The following TMEM170A variants were observed in gnomAD, a reference collection of about 807,000 sequenced individuals.
The protein encoded by TMEM170A is transmembrane protein 170.
In TMEM170A, 18 loss-of-function variants were observed where a neutral mutation model predicts 12.8. The ratio of observed to expected loss-of-function variants is 1.41; its 90% CI spans 0.97 to 2.09. The LOEUF is 2.09. Ranked by LOEUF, TMEM170A falls within the 30% of genes most tolerant of loss-of-function variation. The pLI is 0.00. For synonymous variants in TMEM170A, 107 were observed against 76.2 expected (o/e 1.40, Z -2.11); for missense variants, 220 against 179.9 (o/e 1.22, Z -1.28).
At chr16:75,464,325 A>G in intron 1 of TMEM170A, 143 bp downstream of exon 1, 1 of 1,437,172 alleles carries the variant, frequency 7.0e-7, no homozygotes, top group Non-Finnish European at 9.1e-7. Flanking sequence ...GCTCCGGGCG[A>G]GCAGCACGGC....
At chr16:75,461,759 G>A (rs959899167) in intron 1 of TMEM170A, among the ~76,000 whole-genome samples, 1 of 152,128 alleles carries the variant, frequency 6.6e-6, no homozygotes, top group Non-Finnish European at 1.5e-5. Flanking sequence ...GTTGGCACTT[G>A]GCCAAATGTA....
chr16:75,456,308 G>A (rs1234014101), intron 1 of TMEM170A, among the ~76,000 whole-genome samples: 1 of 152,066 alleles, frequency 6.6e-6, no homozygotes, highest in Non-Finnish European at 1.5e-5. Context: ...AACAAATGAG[G>A]CCGGGCACAG....
chr16:75,447,049 GT>G lies in TMEM170A; in HGVS notation c.*508del, dbSNP rs759796330. 3.3e-5 allele frequency: 5 copies of G among 152,104 alleles called. No individual in the cohort carries two copies. The highest frequency in any genetic ancestry group is 5.9e-5 in the Non-Finnish European group (4 of 68,002). The allele number at this position is 152,104 out of a possible 1,614,324, so 9.4% of individuals were successfully genotyped here. A position where few individuals can be genotyped will look rare whatever the true frequency, so the allele number is the denominator to read the frequency against. On this transcript the variant is annotated 3_prime_UTR_variant, in exon 3 of 3. Transcript: ENST00000561878. The stretch of plus-strand genomic sequence containing the variant: ...TTTCCTGCTTTATTTCACCAAATTT[GT>G]TTTCAAAACTATACTCAACCAAAAC...
intron 1 of TMEM170A, among the ~76,000 whole-genome samples, chr16:75,455,096 G>A (rs143445988): frequency 1.3e-5 from 2 of 152,232 alleles, no homozygotes; most frequent in South Asian, 2.1e-4. Flanking sequence ...AGTGGCTCAC[G>A]CCTGTAATCC....
At chr16:75,459,760 G>C (rs1218306217) in intron 1 of TMEM170A, 1 of 152,258 alleles carries the variant, frequency 6.6e-6, no homozygotes, top group African/African-American at 2.4e-5. Context: ...AGGAGGCTGA[G>C]GCAGGAGAAT....
At position 75,447,563 on chromosome 16, in the gene TMEM170A, G is replaced by C. The variant is rs779204589; in HGVS notation, c.430C>G (p.Leu144Val). The change falls in exon 3 of 3, where the codon CTA (leucine) becomes GTA (valine). Residue 144 changes from leucine (L) to valine (V), a missense_variant. Coordinates refer to ENST00000561878, the MANE Select transcript of TMEM170A (RefSeq NM_145254.3). ...VVSFLRILAT[L>V] ...TCTCAGCATAAGGATGTATGCTATA[G>C]AGTAGCTAAAATCCGTAAAAAGGAG... 6.2e-7 allele frequency: 1 copy of C among 1,612,716 alleles called. No individual in the cohort carries two copies. Among genetic ancestry groups the C allele is most frequent in the Non-Finnish European group, 8.5e-7 (1 of 1,179,636 alleles).
Position 75,447,190 on chromosome 16 carries a change from A to C in TMEM170A, c.*368T>G, listed in dbSNP as rs954243750. On this transcript the variant is annotated 3_prime_UTR_variant, in exon 3 of 3. Coordinates refer to ENST00000561878, the MANE Select transcript of TMEM170A (RefSeq NM_145254.3). ...CTCTGCTCATTTGAAATAAACCAGT[A>C]TCTTCCACGGTTTCTTCAAAATATG... 4 of 158,108 alleles carry C rather than the reference A, an allele frequency of 2.5e-5. No individual in the cohort carries two copies. The highest frequency in any genetic ancestry group is 9.6e-5 in the African/African-American group (4 of 41,748). The allele number at this position is 158,108 out of a possible 1,614,324, so 9.8% of individuals were successfully genotyped here. A position where few individuals can be genotyped will look rare whatever the true frequency, so the allele number is the denominator to read the frequency against.
rs370685672 is a variant in TMEM170A, at chr16:75,457,455, T to C, written c.134-5616A>G. Among the ~76,000 whole-genome samples, 12 of 152,286 alleles carry C rather than the reference T, an allele frequency of 7.9e-5. 1 individual carries two copies. In the South Asian group the frequency reaches 1.0e-3, roughly 13 times the overall value. The stretch of plus-strand genomic sequence containing the variant: ...TCTTGATACCTCTCTCTCTCTGCCA[T>C]GTGAAGACATGGTGAGAAGGCAGCC... On this transcript the variant is annotated intron_variant, in intron 1 of 2. Coordinates refer to ENST00000561878, the MANE Select transcript of TMEM170A (RefSeq NM_145254.3).
At chr16:75,453,483 A>G (rs2079725802) in intron 1 of TMEM170A, among the ~76,000 whole-genome samples, 1 of 152,196 alleles carries the variant, frequency 6.6e-6, no homozygotes, top group Non-Finnish European at 1.5e-5. Context: ...TTCCCCCATA[A>G]GAGGCACAAG....
At chr16:75,453,130 C>T (rs2079719122) in intron 1 of TMEM170A, among the ~76,000 whole-genome samples, 2 of 152,108 alleles carry the variant, frequency 1.3e-5, no homozygotes, top group Admixed American at 1.3e-4. Flanking sequence ...TCAAAATTGA[C>T]CTAAATAATG....
Position 75,464,675 on chromosome 16 carries a change from C to T in TMEM170A, c.-75G>A, listed in dbSNP as rs528882469. ...GTAGCGGCCGGCGCCGACTCACCCT[C>T]GCCGCCTCAGCGTCACCTCCAGCCG... On this transcript the variant is annotated 5_prime_UTR_variant, in exon 1 of 3. Transcript: ENST00000561878. 1,111 of 1,514,670 alleles carry T rather than the reference C, an allele frequency of 7.3e-4. 5 individuals are homozygous for T. In the African/African-American group the frequency reaches 0.013, roughly 17 times the overall value. The allele number at this position is 1,514,670 out of a possible 1,614,324, so 93.8% of individuals were successfully genotyped here.
intron 1 of TMEM170A, among the ~76,000 whole-genome samples, chr16:75,463,171 C>T (rs187921186): frequency 4.1e-4 from 63 of 152,294 alleles, no homozygotes; most frequent in Non-Finnish European, 5.9e-4. Context: ...AACTGTTTGG[C>T]AGGCTTGACA....
In TMEM170A at chr16:75,444,103, A is replaced by C. The variant is rs919495085; in HGVS notation, c.*3455T>G. On this transcript the variant is annotated 3_prime_UTR_variant, in exon 3 of 3. Coordinates refer to ENST00000561878, the MANE Select transcript of TMEM170A (RefSeq NM_145254.3). ...ACTCCATTTCAAAAAAAAAAGAAAAAAAAATCAAGAAATCAGCTTTTATGG... is the reference window on the plus strand; with the variant it reads ...ACTCCATTTCAAAAAAAAAAGAAAACAAAATCAAGAAATCAGCTTTTATGG... The C allele has an allele frequency of 4.0e-5, 6 of 151,358 alleles. No individual in the cohort carries two copies. The highest frequency in any genetic ancestry group is 9.7e-5 in the African/African-American group (4 of 41,140). The allele number at this position is 151,358 out of a possible 1,614,324, so 9.4% of individuals were successfully genotyped here.
chr16:75,451,819 G>A lies in TMEM170A; in HGVS notation c.154C>T (p.Leu52=). 6.2e-7 allele frequency: 1 copy of A among 1,613,072 alleles called. No homozygotes were observed. The highest frequency in any genetic ancestry group is 8.5e-7 in the Non-Finnish European group (1 of 1,179,494). The change falls in exon 2 of 3, where the codon CTG becomes TTG. Residue 52 remains leucine (L), a synonymous_variant. Coordinates refer to ENST00000561878, the MANE Select transcript of TMEM170A (RefSeq NM_145254.3). The stretch of plus-strand genomic sequence containing the variant: ...AAGAGAGAAGACACCAGTGCCCACA[G>A]GAATACACCATACCACATCTCTATG... The part of the protein sequence containing the change: ...SFPEMWYGVF[L]WALVSSLFFH...
At chr16:75,456,248 G>C (rs2079793821) in intron 1 of TMEM170A, among the ~76,000 whole-genome samples, 1 of 151,732 alleles carries the variant, frequency 6.6e-6, no homozygotes, top group Non-Finnish European at 1.5e-5. Context: ...AATGGTTCTC[G>C]GTGAAAACAT....
chr16:75,450,694 G>A (rs1012354950), intron 2 of TMEM170A, among the ~76,000 whole-genome samples: 1 of 152,062 alleles, frequency 6.6e-6, no homozygotes, highest in Non-Finnish European at 1.5e-5. Flanking sequence ...TTGCTCTGTG[G>A]CCCAGGCTGG....
rs1597461928 is a variant in TMEM170A, at chr16:75,464,650, G to C, written c.-50C>G. ...ATGAGGGACGAGCGCCCGAAGTGCGGTAGCGGCCGGCGCCGACTCACCCTC... is the reference window on the plus strand; with the variant it reads ...ATGAGGGACGAGCGCCCGAAGTGCGCTAGCGGCCGGCGCCGACTCACCCTC... On this transcript the variant is annotated 5_prime_UTR_variant, in exon 1 of 3. Coordinates refer to ENST00000561878, the MANE Select transcript of TMEM170A (RefSeq NM_145254.3). 1.3e-6 allele frequency: 2 copies of C among 1,541,580 alleles called. No individual in the cohort carries two copies. Among genetic ancestry groups the C allele is most frequent in the East Asian group, 2.7e-5 (1 of 37,232 alleles).
intron 2 of TMEM170A, 39 bp from the exon 3 acceptor site, chr16:75,447,727 A>G (rs1311050302): frequency 6.4e-7 from 1 of 1,557,880 alleles, no homozygotes; most frequent in Non-Finnish European, 8.7e-7. Flanking sequence ...AAAACAAAAA[A>G]CGAAGGTTAA....
chr16:75,451,704 C>G lies in TMEM170A; in HGVS notation c.269G>C (p.Gly90Ala), dbSNP rs1027118685. Residue 90 changes from glycine to alanine, a missense_variant, in exon 2 of 3, where the codon GGC becomes GCC. Transcript: ENST00000561878. ...RFMSVSILLM[G>A]IVGPITAGIL... ...TCCAGCAGTAATTGGTCCCACGATG[C>G]CCATCAACAGGATGCTTACAGACAT... is the stretch of plus-strand genomic sequence containing the variant. 11 of 1,614,054 alleles carry G rather than the reference C, an allele frequency of 6.8e-6. No homozygotes were observed. Among genetic ancestry groups the G allele is most frequent in the Middle Eastern group, 1.6e-4 (1 of 6,084 alleles).
Sources: gnomAD v4.1 joint callset for allele counts (sites outside exome capture counted in the v4.1 genomes callset) on GRCh38, gnomAD v4.1.1 for gene constraint, MANE v1.5 for transcripts, NCBI Gene and HGNC (gene_info 2026-07-23, HGNC 2026-07-21) for gene names.